The following CNBD1 variants were observed in gnomAD, a reference collection of about 807,000 sequenced individuals.
CNBD1 encodes cyclic nucleotide binding domain containing 1, also known as cyclic nucleotide-binding domain-containing protein 1.
In CNBD1, 71 loss-of-function variants were observed where a neutral mutation model predicts 54.4. The observed-to-expected ratio is 1.30, with a 90% CI of 1.08 to 1.59. The LOEUF (loss-of-function observed/expected upper bound fraction) is 1.59. Ranked by LOEUF, CNBD1 falls within the 40% of genes most tolerant of loss-of-function variation. CNBD1 has a pLI of 0.00. For missense variants in CNBD1, 659 were observed against 518.0 expected, an observed-to-expected ratio of 1.27 and a Z score of -2.64; for synonymous variants, 182 against 170.7, an observed-to-expected ratio of 1.07 and a Z score of -0.51.
chr8:87,102,402 A>G (rs1384729383), intron 4 of CNBD1, among the ~76,000 whole-genome samples: 3 of 152,204 alleles, frequency 2.0e-5, no homozygotes, highest in South Asian at 2.1e-4. Flanking sequence ...TGTCTGCCAG[A>G]TAAGTGATCC....
intron 8 of CNBD1, among the ~76,000 whole-genome samples, chr8:87,304,251 G>C (rs1423523914): frequency 2.0e-5 from 3 of 152,014 alleles, no homozygotes; most frequent in Non-Finnish European, 4.4e-5. Context: ...GTCCAACAAT[G>C]ATAGACTGGA....
chr8:87,176,915 A>G (rs911054508), intron 4 of CNBD1, among the ~76,000 whole-genome samples: 2 of 152,200 alleles, frequency 1.3e-5, no homozygotes, highest in Admixed American at 6.5e-5. Flanking sequence ...TTAAAAATAC[A>G]TTATCTTTTA....
At chr8:87,226,206 A>G (rs1814485929) in intron 5 of CNBD1, among the ~76,000 whole-genome samples, 1 of 151,682 alleles carries the variant, frequency 6.6e-6, no homozygotes, top group African/African-American at 2.4e-5. Context: ...TGGATTCATT[A>G]ATTTTTTGAA....
At chr8:87,157,594 A>G (rs1450057316) in intron 4 of CNBD1, among the ~76,000 whole-genome samples, 1 of 152,150 alleles carries the variant, frequency 6.6e-6, no homozygotes, top group Non-Finnish European at 1.5e-5. Flanking sequence ...AAAAACATTT[A>G]TGTTCCTCCT....
intron 2 of CNBD1, among the ~76,000 whole-genome samples, chr8:87,421,674 T>A (rs1335613736): frequency 1.3e-5 from 2 of 151,530 alleles, no homozygotes; most frequent in African/African-American, 4.9e-5. Context: ...CAGTCTATCA[T>A]TGTTGGACAT....
intron 6 of CNBD1, among the ~76,000 whole-genome samples, chr8:87,255,994 TATATATATATATATATA>T (rs1808003808): frequency 7.1e-5 from 1 of 14,014 alleles, no homozygotes; most frequent in African/African-American, 3.4e-4. Context: ...TATATATATA[TATATATATATATATATA>T]TATATTTTTT....
intron 8 of CNBD1, among the ~76,000 whole-genome samples, chr8:87,333,409 A>G (rs1287616717): frequency 3.3e-5 from 5 of 152,076 alleles, no homozygotes; most frequent in African/African-American, 7.2e-5. Flanking sequence ...TTCCAATACT[A>G]TGTTGAATAA....
intron 4 of CNBD1, among the ~76,000 whole-genome samples, chr8:86,989,180 G>C (rs1428862215): frequency 1.3e-5 from 2 of 152,116 alleles, no homozygotes; most frequent in African/African-American, 4.8e-5. Context: ...GCTGAGGTGA[G>C]AGGATCATTT....
intron 4 of CNBD1, among the ~76,000 whole-genome samples, chr8:87,066,314 A>G (rs1810652798): frequency 6.6e-6 from 1 of 151,692 alleles, no homozygotes; most frequent in Admixed American, 6.6e-5. Context: ...AATCAGAATA[A>G]GAATTATTCA....
chr8:87,272,338 A>T (rs994131121), intron 6 of CNBD1, among the ~76,000 whole-genome samples: 1 of 152,022 alleles, frequency 6.6e-6, no homozygotes, highest in South Asian at 2.1e-4. Flanking sequence ...TATCTAAAAA[A>T]TATGTGCATC....
chr8:87,223,057 T>TTC (rs1001950029), intron 5 of CNBD1, among the ~76,000 whole-genome samples: 7 of 148,872 alleles, frequency 4.7e-5, no homozygotes, highest in Non-Finnish European at 1.0e-4. Context: ...GATTTTTCTT[T>TTC]TTTTTTTTTT....
At chr8:87,109,533 TTTCTTTC>T (rs1237244738) in intron 4 of CNBD1, among the ~76,000 whole-genome samples, 2 of 118,348 alleles carry the variant, frequency 1.7e-5, no homozygotes, top group East Asian at 2.2e-4. Flanking sequence ...TCTTTCTTTC[TTTCTTTC>T]TTTTTTTTTT....
chr8:87,302,901 A>T (rs1809042553), intron 8 of CNBD1, among the ~76,000 whole-genome samples: 1 of 152,072 alleles, frequency 6.6e-6, no homozygotes, highest in South Asian at 2.1e-4. Context: ...TTCAAAGAGA[A>T]TAAAATACCT....
Position 87,057,450 on chromosome 8 carries a change from A to G in CNBD1, c.431+117696A>G, listed in dbSNP as rs78500814. ...CTTCCCACTGGGCCCCTGCCATGAT[A>G]TATGGAATTATAGGAACTACAATTC... On this transcript the variant is annotated intron_variant, in intron 4 of 10. Coordinates refer to ENST00000518476, the MANE Select transcript of CNBD1 (RefSeq NM_173538.3). 5.1e-3 allele frequency among the ~76,000 whole-genome samples: 773 copies of G among 152,310 alleles called. 12 individuals carry two copies. Among genetic ancestry groups the G allele is most frequent in the African/African-American group, 0.018 (734 of 41,562 alleles).
intron 5 of CNBD1, among the ~76,000 whole-genome samples, chr8:87,208,517 T>C (rs2130799304): frequency 6.6e-6 from 1 of 152,048 alleles, no homozygotes; most frequent in South Asian, 2.1e-4. Flanking sequence ...TTTACTGAAG[T>C]CAAATGGAAG....
At chr8:87,039,374 C>A (rs908182607) in intron 4 of CNBD1, among the ~76,000 whole-genome samples, 1 of 152,054 alleles carries the variant, frequency 6.6e-6, no homozygotes, top group Non-Finnish European at 1.5e-5. Context: ...TGTTTGTACT[C>A]AAAAGTTTTG....
intron 4 of CNBD1, among the ~76,000 whole-genome samples, chr8:87,042,199 T>G (rs1450656306): frequency 6.6e-6 from 1 of 152,222 alleles, no homozygotes; most frequent in African/African-American, 2.4e-5. Flanking sequence ...GATAAATCAA[T>G]AAATCTGTCT....
At chr8:87,097,299 G>C (rs928803750) in intron 4 of CNBD1, among the ~76,000 whole-genome samples, 1 of 152,076 alleles carries the variant, frequency 6.6e-6, no homozygotes, top group South Asian at 2.1e-4. Context: ...TCTAAGGACT[G>C]GAAAATTTTC....
chr8:87,424,530 T>C (rs1024457852), intron 2 of CNBD1, among the ~76,000 whole-genome samples: 1 of 152,358 alleles, frequency 6.6e-6, no homozygotes. Context: ...CATTTCGTTA[T>C]GTACCCAGTA....
Sources: allele counts gnomAD v4.1 joint callset (sites outside exome capture counted in the v4.1 genomes callset), GRCh38; gene constraint gnomAD v4.1.1; transcripts MANE v1.5; gene names NCBI Gene and HGNC (gene_info 2026-07-23, HGNC 2026-07-21).